MBP: variants seen among roughly 807,000 people sequenced by gnomAD.
MBP encodes the protein myelin basic protein, also known as Golli-MBP.
A neutral mutation model predicts 35.8 loss-of-function variants in MBP; 16 were observed. The ratio of observed to expected loss-of-function variants is 0.45; its 90% CI spans 0.30 to 0.68. The LOEUF (loss-of-function observed/expected upper bound fraction) is 0.68, where lower values mean the gene tolerates loss of function less well. Ranked by LOEUF, MBP falls within the 30% of genes least tolerant of loss-of-function variation. The pLI, the probability that MBP is intolerant of heterozygous loss-of-function variation, is 0.08. For synonymous variants in MBP, 143 were observed against 159.6 expected, an observed-to-expected ratio of 0.90 and a Z score of 0.78; for missense variants, 380 against 404.7, an observed-to-expected ratio of 0.94 and a Z score of 0.52.
intron 8 of MBP, chr18:76,980,936 T>G (rs1393791935): frequency 6.2e-6 from 1 of 162,114 alleles, no homozygotes; most frequent in African/African-American, 2.4e-5. Context: ...AAGCCACGTG[T>G]CCATCCCTGG....
intron 3 of MBP, among the ~76,000 whole-genome samples, chr18:77,048,901 G>T (rs930744959): frequency 6.6e-6 from 1 of 151,752 alleles, no homozygotes; most frequent in Admixed American, 6.6e-5. Flanking sequence ...TAATCTCTAC[G>T]AGGGCAGGGT....
intron 2 of MBP, among the ~76,000 whole-genome samples, chr18:77,082,093 C>T (rs1021706629): frequency 2.6e-5 from 4 of 151,908 alleles, no homozygotes; most frequent in African/African-American, 7.2e-5. Flanking sequence ...ACCTTGTGAT[C>T]CGCCCGCCTC....
In MBP at chr18:76,989,324, C is replaced by T. The variant is rs1363869245; in HGVS notation, c.682-412G>A. Among the ~76,000 whole-genome samples, 2 of 152,212 alleles carry T rather than the reference C, an allele frequency of 1.3e-5. No individual in the cohort carries two copies. Among genetic ancestry groups the T allele is most frequent in the African/African-American group, 4.8e-5 (2 of 41,460 alleles). On this transcript the variant is annotated intron_variant, in intron 5 of 8. Transcript: ENST00000355994. This position sits in a 1 kb window ranked among gnomAD's most constrained non-coding sequence, Gnocchi z 4.0. ...AGCTCCTAAGTGCACTTATCGAATACGAGCATAAAATGTCTGCTGCACTGA... is the reference window on the plus strand; with the variant it reads ...AGCTCCTAAGTGCACTTATCGAATATGAGCATAAAATGTCTGCTGCACTGA...
In MBP at chr18:77,044,550, G is replaced by A. The variant is rs1458075799; in HGVS notation, c.139+21748C>T. ...AGCCCTCTCCAGGGCCCTCGGCCTC[G>A]CTGTCTCACATCACTCGCCTCCCTA... On this transcript the variant is annotated intron_variant, in intron 3 of 8. Coordinates refer to ENST00000355994, the MANE Select transcript of MBP (RefSeq NM_001025101.2). The surrounding 1 kb of genome is among the most constrained non-coding windows in gnomAD (Gnocchi z 4.4). Among the ~76,000 whole-genome samples, 1 of 151,992 alleles carries A rather than the reference G, an allele frequency of 6.6e-6. No individual in the cohort carries two copies. The highest frequency in any genetic ancestry group is 2.4e-5 in the African/African-American group (1 of 41,386).
intron 1 of MBP, chr18:77,127,829 TCACTACA>T (rs1373818447): frequency 1.3e-5 from 2 of 151,666 alleles, no homozygotes; most frequent in African/African-American, 4.9e-5. Flanking sequence ...TCAGGAGATA[TCACTACA>T]CACTTATTAG....
chr18:77,051,366 G>C (rs1029921123), intron 3 of MBP, among the ~76,000 whole-genome samples: 3 of 152,174 alleles, frequency 2.0e-5, no homozygotes, highest in Non-Finnish European at 4.4e-5. Context: ...CTACTTAAAT[G>C]GTCACATCCA....
chr18:77,098,023 G>A (rs995072945), intron 2 of MBP, among the ~76,000 whole-genome samples: 3 of 152,106 alleles, frequency 2.0e-5, no homozygotes, highest in Non-Finnish European at 2.9e-5. Context: ...AGCTTCTCTT[G>A]CTGGCCTGTG....
chr18:77,046,936 T>A (rs1187551332), intron 3 of MBP, among the ~76,000 whole-genome samples: 1 of 152,178 alleles, frequency 6.6e-6, no homozygotes, highest in African/African-American at 2.4e-5. Context: ...CCAGGAAACA[T>A]CAGGGCCTCC....
At chr18:77,015,271 T>C in intron 4 of MBP, 2 of 985,456 alleles carry the variant, frequency 2.0e-6, no homozygotes, top group Non-Finnish European at 2.4e-6. Context: ...GTACATTTTT[T>C]TTTTCTGTAC....
chr18:77,028,720 C>T (rs1972369067), intron 3 of MBP, among the ~76,000 whole-genome samples: 1 of 96,528 alleles, frequency 1.0e-5, no homozygotes, highest in African/African-American at 2.8e-5. Context: ...CCCTCACCTC[C>T]CGGACGGGGC....
intron 2 of MBP, among the ~76,000 whole-genome samples, chr18:77,092,479 C>T (rs924242227): frequency 3.9e-5 from 6 of 152,232 alleles, no homozygotes; most frequent in African/African-American, 1.4e-4. Context: ...ACACGCAAAC[C>T]GGCCCCAGAC....
At chr18:77,132,120 C>T (rs1977299643) in intron 1 of MBP, among the ~76,000 whole-genome samples, 1 of 152,150 alleles carries the variant, frequency 6.6e-6, no homozygotes, top group South Asian at 2.1e-4. Flanking sequence ...CCCAGAGTGG[C>T]CGCTTTTGAC....
At chr18:77,127,286 T>A (rs1977080790) in intron 1 of MBP, 1 of 152,184 alleles carries the variant, frequency 6.6e-6, no homozygotes, top group Non-Finnish European at 1.5e-5. Context: ...GGAAGAAGGA[T>A]CACCTTTTCA....
At chr18:77,093,185 T>G (rs1975611330) in intron 2 of MBP, 1 of 151,744 alleles carries the variant, frequency 6.6e-6, no homozygotes, top group Non-Finnish European at 1.5e-5. Context: ...AGACCCGGGG[T>G]CGAGGCTGGG....
Position 77,002,514 on chromosome 18 carries a change from C to A in MBP, c.577-12454G>T, listed in dbSNP as rs202110515. On this transcript the variant is annotated intron_variant, in intron 4 of 8. Transcript: ENST00000355994. ...GAATGTACATGTTTTCCCTGTGTCC[C>A]CAAAAGGATTCAATGCAAAGCCAGA... Among the ~76,000 whole-genome samples the A allele has an allele frequency of 4.6e-5, 7 of 152,196 alleles. No individual in the cohort carries two copies. In the East Asian group the frequency reaches 1.2e-3, roughly 25 times the overall value.
chr18:77,109,586 G>A (rs922070595), intron 1 of MBP: 6 of 152,210 alleles, frequency 3.9e-5, no homozygotes, highest in African/African-American at 9.7e-5. Flanking sequence ...TAAATGCATC[G>A]TGAGATAGAG....
At chr18:77,058,724 T>C (rs1340801746) in intron 3 of MBP, among the ~76,000 whole-genome samples, 1 of 152,210 alleles carries the variant, frequency 6.6e-6, no homozygotes, top group African/African-American at 2.4e-5. Context: ...TCAAGCAGCT[T>C]ATTCCGTGGA....
intron 3 of MBP, among the ~76,000 whole-genome samples, chr18:77,050,085 C>T (rs1973426960): frequency 6.6e-6 from 1 of 152,102 alleles, no homozygotes; most frequent in Admixed American, 6.5e-5. Flanking sequence ...TGCTGACGTT[C>T]TTGGTAGAAT....
chr18:76,987,247 A>C (rs778839526), intron 7 of MBP: 27 of 985,480 alleles, frequency 2.7e-5, no homozygotes, highest in Non-Finnish European at 3.3e-5. Flanking sequence ...TTTCTGGGTC[A>C]AAAATGAATT....
Sources: allele counts gnomAD v4.1 joint callset (sites outside exome capture counted in the v4.1 genomes callset), GRCh38; gene constraint gnomAD v4.1.1; non-coding constraint Gnocchi (gnomAD v3.1); transcripts MANE v1.5; gene names NCBI Gene and HGNC (gene_info 2026-07-23, HGNC 2026-07-21).